The following HS3ST4 variants were observed in gnomAD, a reference collection of about 807,000 sequenced individuals.
HS3ST4 encodes heparan sulfate-glucosamine 3-sulfotransferase 4.
Under a neutral mutation model 29.2 loss-of-function variants are expected in HS3ST4, and 17 were observed. The observed-to-expected ratio is 0.58, with a 90% CI of 0.40 to 0.87. The LOEUF (loss-of-function observed/expected upper bound fraction) is 0.87, where lower values mean the gene tolerates loss of function less well. Ranked by LOEUF, HS3ST4 falls within the 40% of genes least tolerant of loss-of-function variation. The pLI is 0.00. For missense variants in HS3ST4, 627 were observed against 634.5 expected (o/e 0.99, Z 0.13); for synonymous variants, 314 against 285.7 (o/e 1.10, Z -1.00).
chr16:25,711,880 C>T (rs1966418129), intron 1 of HS3ST4, among the ~76,000 whole-genome samples: 1 of 152,204 alleles, frequency 6.6e-6, no homozygotes, highest in African/African-American at 2.4e-5. Flanking sequence ...CTGCTCGCCT[C>T]AGCCTCCCAA....
intron 1 of HS3ST4, among the ~76,000 whole-genome samples, chr16:25,977,268 A>G (rs992270753): frequency 3.3e-5 from 5 of 152,198 alleles, no homozygotes; most frequent in Non-Finnish European, 5.9e-5. Context: ...TCCTCGGTCC[A>G]TCACAGGCAT....
intron 1 of HS3ST4, among the ~76,000 whole-genome samples, chr16:25,750,929 A>G (rs761416747): frequency 1.8e-4 from 28 of 152,080 alleles, no homozygotes; most frequent in Non-Finnish European, 3.4e-4. Flanking sequence ...TCATTATTTC[A>G]TTTAGATTGT....
At chr16:26,133,147 G>A (rs1290539489) in intron 1 of HS3ST4, among the ~76,000 whole-genome samples, 1 of 148,938 alleles carries the variant, frequency 6.7e-6, no homozygotes, top group African/African-American at 2.5e-5. Flanking sequence ...TTTTTTCCTT[G>A]CCCTTCTGTA....
chr16:25,700,081 G>T (rs1388296472), intron 1 of HS3ST4, among the ~76,000 whole-genome samples: 1 of 152,126 alleles, frequency 6.6e-6, no homozygotes, highest in Non-Finnish European at 1.5e-5. Flanking sequence ...TTTATTTCAA[G>T]ATTAGGTCTG....
intron 1 of HS3ST4, among the ~76,000 whole-genome samples, chr16:25,921,986 C>T (rs1968359344): frequency 6.6e-6 from 1 of 152,102 alleles, no homozygotes; most frequent in Non-Finnish European, 1.5e-5. Context: ...AACTCCTGGG[C>T]TCAAGTGATT....
intron 1 of HS3ST4, among the ~76,000 whole-genome samples, chr16:26,102,595 C>G (rs1029560791): frequency 1.3e-5 from 2 of 152,156 alleles, no homozygotes; most frequent in East Asian, 3.8e-4. Flanking sequence ...ATCGTACGTA[C>G]AAAACAAATA....
chr16:26,126,049 G>A (rs891992942), intron 1 of HS3ST4, among the ~76,000 whole-genome samples: 3 of 152,086 alleles, frequency 2.0e-5, no homozygotes, highest in Non-Finnish European at 4.4e-5. Flanking sequence ...AATTCATGTT[G>A]CTACTTTGAA....
Position 25,961,325 on chromosome 16 carries a change from A to G in HS3ST4, c.735-174287A>G, listed in dbSNP as rs188214222. On this transcript the variant is annotated intron_variant, in intron 1 of 1. Transcript: ENST00000331351. ...GTTTCTCTTCCCCAGGCTAACCATG[A>G]TATGAAAATGCTGAAAGATGTCCAT... 4.1e-4 allele frequency among the ~76,000 whole-genome samples: 62 copies of G among 152,338 alleles called. No homozygotes were observed. In the East Asian group the frequency reaches 0.01, roughly 25 times the overall value.
chr16:25,969,188 C>T (rs1294176941), intron 1 of HS3ST4, among the ~76,000 whole-genome samples: 1 of 152,208 alleles, frequency 6.6e-6, no homozygotes, highest in African/African-American at 2.4e-5. Flanking sequence ...TAATAGATTA[C>T]ATTATATCCC....
chr16:25,759,170 C>G (rs1966774823), intron 1 of HS3ST4, among the ~76,000 whole-genome samples: 1 of 152,144 alleles, frequency 6.6e-6, no homozygotes, highest in Non-Finnish European at 1.5e-5. Flanking sequence ...ATTCAGGTGA[C>G]TGACAAATGA....
At chr16:25,706,985 G>A (rs975068851) in intron 1 of HS3ST4, among the ~76,000 whole-genome samples, 2 of 152,178 alleles carry the variant, frequency 1.3e-5, no homozygotes, top group Admixed American at 1.3e-4. Context: ...TGAGTAGTGT[G>A]GTGACATCTT....
chr16:25,805,908 A>C (rs991761411), intron 1 of HS3ST4, among the ~76,000 whole-genome samples: 2 of 151,894 alleles, frequency 1.3e-5, no homozygotes, highest in Non-Finnish European at 2.9e-5. Flanking sequence ...TTCTGTGTCC[A>C]TGTGTTCTCA....
At chr16:25,737,436 T>C (rs561965404) in intron 1 of HS3ST4, among the ~76,000 whole-genome samples, 1 of 152,332 alleles carries the variant, frequency 6.6e-6, no homozygotes, top group South Asian at 2.1e-4. Flanking sequence ...GCATATCTTT[T>C]ACAGCAATGT....
At chr16:25,758,162 TAAG>T (rs1260362069) in intron 1 of HS3ST4, among the ~76,000 whole-genome samples, 1 of 152,160 alleles carries the variant, frequency 6.6e-6, no homozygotes, top group Non-Finnish European at 1.5e-5. Flanking sequence ...GAGAGAGAAA[TAAG>T]AAGTTCTGAA....
At chr16:25,997,210 T>G (rs1969165744) in intron 1 of HS3ST4, among the ~76,000 whole-genome samples, 2 of 152,198 alleles carry the variant, frequency 1.3e-5, no homozygotes, top group Admixed American at 6.5e-5. Flanking sequence ...TTTATAAAAC[T>G]TCCAGAAAAA....
In HS3ST4 at chr16:26,136,362, C is replaced by T. The variant is rs898733140; in HGVS notation, c.*114C>T. 1 of 986,520 alleles carries T rather than the reference C, an allele frequency of 1.0e-6. No individual in the cohort carries two copies. The highest frequency in any genetic ancestry group is 2.6e-5 in the East Asian group (1 of 38,292). The allele number at this position is 986,520 out of a possible 1,614,324, so 61.1% of individuals were successfully genotyped here. A position where few individuals can be genotyped will look rare whatever the true frequency, so the allele number is the denominator to read the frequency against. ...GCTGGAGTGCCAAGTAGATCTCCTC[C>T]TCCTTCATGCAGCCAGGATTGCCTC... On this transcript the variant is annotated 3_prime_UTR_variant, in exon 2 of 2. Coordinates refer to ENST00000331351, the MANE Select transcript of HS3ST4 (RefSeq NM_006040.3).
intron 1 of HS3ST4, among the ~76,000 whole-genome samples, chr16:25,908,399 A>G (rs1163478905): frequency 3.9e-5 from 6 of 152,204 alleles, no homozygotes; most frequent in African/African-American, 1.4e-4. Context: ...TGTAGGATTC[A>G]CAGAGTAAGG....
chr16:25,950,719 C>T (rs1409291403), intron 1 of HS3ST4, among the ~76,000 whole-genome samples: 1 of 152,060 alleles, frequency 6.6e-6, no homozygotes, highest in Non-Finnish European at 1.5e-5. Context: ...AAAAGAGCAT[C>T]GACTTTGGAG....
Position 26,006,383 on chromosome 16 carries a change from T to G in HS3ST4, c.735-129229T>G, listed in dbSNP as rs1343360290. 6.6e-5 allele frequency among the ~76,000 whole-genome samples: 10 copies of G among 152,116 alleles called. 1 individual carries two copies. Among genetic ancestry groups the G allele is most frequent in the Admixed American group, 6.5e-4 (10 of 15,268 alleles). On this transcript the variant is annotated intron_variant, in intron 1 of 1. Transcript: ENST00000331351. ...AGATATTGTTTTTCAGTTTGTTTGT[T>G]TGTTGGCTTTTTTTAAGGTGAGAGT...
Sources: gnomAD v4.1 joint callset for allele counts (sites outside exome capture counted in the v4.1 genomes callset) on GRCh38, gnomAD v4.1.1 for gene constraint, MANE v1.5 for transcripts, NCBI Gene and HGNC (gene_info 2026-07-23, HGNC 2026-07-21) for gene names.